The following ABHD17A variants were observed in gnomAD, a reference collection of about 807,000 sequenced individuals.
The protein encoded by ABHD17A is abhydrolase domain containing 17A, depalmitoylase, also known as alpha/beta hydrolase domain-containing protein 17A.
Under a neutral mutation model 26.8 loss-of-function variants are expected in ABHD17A, and 10 were observed. That is an observed-to-expected ratio of 0.37 (90% confidence interval 0.23 to 0.63). The LOEUF is 0.63. Ranked by LOEUF, ABHD17A falls within the 30% of genes least tolerant of loss-of-function variation. The pLI is 0.61. For synonymous variants in ABHD17A, 167 were observed against 210.9 expected (o/e 0.79, Z 1.80); for missense variants, 292 against 457.3 (o/e 0.64, Z 3.30).
chr19:1,881,859 G>C, intron 1 of ABHD17A, 55 bp from the exon 2 acceptor site: 1 of 349,284 alleles, frequency 2.9e-6, no homozygotes. Context: ...GTCCAGCTGG[G>C]CACCCCCGGG....
In ABHD17A at chr19:1,876,852, T is replaced by C; in HGVS notation, c.*348A>G. ...CCCCACTTCCGCAGAGTAAAACCTATAAGGGGGTCCGTGCCGATCTCTCCT... is the reference window on the plus strand; with the variant it reads ...CCCCACTTCCGCAGAGTAAAACCTACAAGGGGGTCCGTGCCGATCTCTCCT... On this transcript the variant is annotated 3_prime_UTR_variant, in exon 5 of 5. Transcript: ENST00000292577. The C allele has an allele frequency of 1.8e-5, 6 of 326,732 alleles. No homozygotes were observed. The highest frequency in any genetic ancestry group is 2.9e-5 in the South Asian group (1 of 34,636). 20.2% of individuals were successfully genotyped at this position (326,732 alleles called of 1,614,324 possible).
In ABHD17A at chr19:1,880,778, G is replaced by A; in HGVS notation, c.332+457C>T. 1 of 1,426,090 alleles carries A rather than the reference G, an allele frequency of 7.0e-7. No homozygotes were observed. The highest frequency in any genetic ancestry group is 9.5e-7 in the Non-Finnish European group (1 of 1,050,834). The allele number at this position is 1,426,090 out of a possible 1,614,324, so 88.3% of individuals were successfully genotyped here. A position where few individuals can be genotyped will look rare whatever the true frequency, so the allele number is the denominator to read the frequency against. On this transcript the variant is annotated intron_variant, in intron 2 of 4. Transcript: ENST00000292577. This position sits in a 1 kb window ranked among gnomAD's most constrained non-coding sequence, Gnocchi z 4.1. ...GGAGCTGCCCCAGGTGGTGCCAGGA[G>A]CAGGTGGCCAGGCTGGCCCTGCCAT...
chr19:1,878,395 CCT>C (rs974809003), intron 3 of ABHD17A: 1 of 152,494 alleles, frequency 6.6e-6, no homozygotes, highest in Non-Finnish European at 1.5e-5. Flanking sequence ...GTGTGCGGCC[CCT>C]GACCCAGCTG....
At position 1,880,819 on chromosome 19, in the gene ABHD17A, G is replaced by A; in HGVS notation, c.332+416C>T. The A allele has an allele frequency of 1.3e-6, 2 of 1,577,988 alleles. No homozygotes were observed. Among genetic ancestry groups the A allele is most frequent in the Admixed American group, 1.8e-5 (1 of 56,926 alleles). ...GCCCTGCCATGGACTGCTTCCTCCAGTTCCCCCAGGCCCCCACCTAGCCCA... is the reference window on the plus strand; with the variant it reads ...GCCCTGCCATGGACTGCTTCCTCCAATTCCCCCAGGCCCCCACCTAGCCCA... On this transcript the variant is annotated intron_variant, in intron 2 of 4. Coordinates refer to ENST00000292577, the MANE Select transcript of ABHD17A (RefSeq NM_001130111.2). This position sits in a 1 kb window ranked among gnomAD's most constrained non-coding sequence, Gnocchi z 4.1.
chr19:1,877,500 C>G lies in ABHD17A; in HGVS notation c.707+8G>C. The G allele has an allele frequency of 6.3e-7, 1 of 1,591,374 alleles. No homozygotes were observed. ...CGCCCCGCCCCCGTCCCCGCCCGGG[C>G]CGCTCACTTAGGGAAGGCGTCGAAG... On this transcript the variant is annotated splice_region_variant and intron_variant, in intron 4 of 4. Transcript: ENST00000292577.
Position 1,877,263 on chromosome 19 carries a change from G to T in ABHD17A, c.870C>A (p.Tyr290Ter), listed in dbSNP as rs2012385787. 6.5e-7 allele frequency: 1 copy of T among 1,545,066 alleles called. No homozygotes were observed. The highest frequency in any genetic ancestry group is 1.2e-5 in the South Asian group (1 of 86,100). The change falls in exon 5 of 5, where the codon TAC (tyrosine) becomes TAA (stop). Residue 290 changes from tyrosine to a stop codon, truncating the protein, a stop_gained. Transcript: ENST00000292577. LOFTEE classifies it high-confidence loss of function. ...GACGCAGGCGCTCCAGGTACTGGCT[G>T]TAGAGCTCGATGTCGTTGTGCCCGG... ...EGAGHNDIELYSQYLERLRRF... is the reference protein window; with the variant it reads ...EGAGHNDIEL
Position 1,879,603 on chromosome 19 carries a change from C to T in ABHD17A, c.527+318G>A. ...ACACGTGCACAGACCCCCAGACCAC[C>T]ACCCACTCCCTCCCGCCGGGTGGCA... On this transcript the variant is annotated intron_variant, in intron 3 of 4. Coordinates refer to ENST00000292577, the MANE Select transcript of ABHD17A (RefSeq NM_001130111.2). This position sits in a 1 kb window ranked among gnomAD's most constrained non-coding sequence, Gnocchi z 7.6. The T allele has an allele frequency of 2.3e-6, 1 of 439,388 alleles. No homozygotes were observed. The highest frequency in any genetic ancestry group is 2.2e-5 in the South Asian group (1 of 44,934). 27.2% of individuals were successfully genotyped at this position (439,388 alleles called of 1,614,324 possible). A position where few individuals can be genotyped will look rare whatever the true frequency, so the allele number is the denominator to read the frequency against.
chr19:1,881,819 T>A lies in ABHD17A; in HGVS notation c.-238-15A>T, dbSNP rs2012547172. On this transcript the variant is annotated splice_polypyrimidine_tract_variant and intron_variant, in intron 1 of 4. Transcript: ENST00000292577. ...CGTGGGAAGCCCTGCGGGGGAACAGTGACATGTGGGGTCCTTTGGGGGTGC... is the reference window on the plus strand; with the variant it reads ...CGTGGGAAGCCCTGCGGGGGAACAGAGACATGTGGGGTCCTTTGGGGGTGC... 2 of 479,532 alleles carry A rather than the reference T, an allele frequency of 4.2e-6. No individual in the cohort carries two copies. Among genetic ancestry groups the A allele is most frequent in the East Asian group, 8.6e-5 (2 of 23,368 alleles). The allele number at this position is 479,532 out of a possible 1,614,324, so 29.7% of individuals were successfully genotyped here. A position where few individuals can be genotyped will look rare whatever the true frequency, so the allele number is the denominator to read the frequency against.
intron 3 of ABHD17A, chr19:1,877,945 G>T: frequency 3.9e-6 from 2 of 511,304 alleles, no homozygotes; most frequent in Non-Finnish European, 7.0e-6. Context: ...GATCTGCAGG[G>T]ATCCTGCCTA....
In ABHD17A at chr19:1,877,442, G is replaced by T; in HGVS notation, c.708-17C>A. On this transcript the variant is annotated splice_polypyrimidine_tract_variant and intron_variant, in intron 4 of 4. Transcript: ENST00000292577. Reference sequence around the variant, plus strand: ...TTCTCGATGCTGCGGGAGGGTCGTGGAGCCGGTGAGACTTCGCGCCCGGCC... The same window carrying T: ...TTCTCGATGCTGCGGGAGGGTCGTGTAGCCGGTGAGACTTCGCGCCCGGCC... 1 of 1,564,668 alleles carries T rather than the reference G, an allele frequency of 6.4e-7. No homozygotes were observed. Among genetic ancestry groups the T allele is most frequent in the Non-Finnish European group, 8.6e-7 (1 of 1,162,234 alleles).
At chr19:1,881,162 C>T in intron 2 of ABHD17A, 73 bp downstream of exon 2, 3 of 1,586,624 alleles carry the variant, frequency 1.9e-6, no homozygotes, top group South Asian at 2.3e-5. Flanking sequence ...ACCAACCACA[C>T]CAAGCACCGC....
Position 1,879,755 on chromosome 19 carries a change from C to G in ABHD17A, c.527+166G>C. 1 of 670,054 alleles carries G rather than the reference C, an allele frequency of 1.5e-6. No individual in the cohort carries two copies. The highest frequency in any genetic ancestry group is 2.5e-6 in the Non-Finnish European group (1 of 399,348). The allele number at this position is 670,054 out of a possible 1,614,324, so 41.5% of individuals were successfully genotyped here. ...CACCTCAGCCATGTGGAGGCGGCAC[C>G]TGCACACCCAAGCTCGCCTGTCCGG... On this transcript the variant is annotated intron_variant, in intron 3 of 4. Transcript: ENST00000292577. The surrounding 1 kb of genome is among the most constrained non-coding windows in gnomAD (Gnocchi z 7.6).
chr19:1,876,924 C>G lies in ABHD17A; in HGVS notation c.*276G>C. On this transcript the variant is annotated 3_prime_UTR_variant, in exon 5 of 5. Transcript: ENST00000292577. ...GGGAACCCCGGCCCCCTTTCGAGCT[C>G]GCTGAGCGCTCGAGAGAGTGAGCAG... The G allele has an allele frequency of 2.1e-6, 1 of 474,900 alleles. No individual in the cohort carries two copies. The allele number at this position is 474,900 out of a possible 1,614,324, so 29.4% of individuals were successfully genotyped here.
chr19:1,881,455 C>A lies in ABHD17A; in HGVS notation c.112G>T (p.Val38Leu). The A allele has an allele frequency of 6.2e-7, 1 of 1,603,314 alleles. No individual in the cohort carries two copies. Among genetic ancestry groups the A allele is most frequent in the Non-Finnish European group, 8.5e-7 (1 of 1,178,564 alleles). ...CCAGGCCCCGGCTCGGGCTCAGGCACCAGGGAGTAGGTGGCCTCCGGCGGC... is the reference window on the plus strand; with the variant it reads ...CCAGGCCCCGGCTCGGGCTCAGGCAACAGGGAGTAGGTGGCCTCCGGCGGC... ...FLPPEATYSL[V>L]PEPEPGPGGA... is the part of the protein sequence containing the mutation. The change falls in exon 2 of 5, where the codon GTG (valine) becomes TTG (leucine). Residue 38 changes from valine (V) to leucine (L), a missense_variant. Val to Leu is a conservative substitution (Grantham distance 32, BLOSUM62 1). Transcript: ENST00000292577.
rs1212608850 is a variant in ABHD17A, at chr19:1,880,519, G to A, written c.333-404C>T. ...GAACCTGGACCCCCGGGGATGGAGCGCACAGGCCCACCTTTCAGGACCTTC... is the reference window on the plus strand; with the variant it reads ...GAACCTGGACCCCCGGGGATGGAGCACACAGGCCCACCTTTCAGGACCTTC... On this transcript the variant is annotated intron_variant, in intron 2 of 4. Transcript: ENST00000292577. This position sits in a 1 kb window ranked among gnomAD's most constrained non-coding sequence, Gnocchi z 4.1. 1.3e-5 allele frequency among the ~76,000 whole-genome samples: 2 copies of A among 152,192 alleles called. No homozygotes were observed.
intron 4 of ABHD17A, 39 bp downstream of exon 4, chr19:1,877,468 CG>C: frequency 6.4e-7 from 1 of 1,574,348 alleles, no homozygotes; most frequent in Admixed American, 1.8e-5. Flanking sequence ...GCGCCCGGCC[CG>C]GGCCCCGCCC....
chr19:1,880,820 T>A lies in ABHD17A; in HGVS notation c.332+415A>T, dbSNP rs2012500921. ...CCCTGCCATGGACTGCTTCCTCCAG[T>A]TCCCCCAGGCCCCCACCTAGCCCAG... On this transcript the variant is annotated intron_variant, in intron 2 of 4. Coordinates refer to ENST00000292577, the MANE Select transcript of ABHD17A (RefSeq NM_001130111.2). This position sits in a 1 kb window ranked among gnomAD's most constrained non-coding sequence, Gnocchi z 4.1. 6.3e-7 allele frequency: 1 copy of A among 1,577,742 alleles called. No individual in the cohort carries two copies. Among genetic ancestry groups the A allele is most frequent in the Non-Finnish European group, 8.6e-7 (1 of 1,158,472 alleles).
chr19:1,881,643 G>A lies in ABHD17A; in HGVS notation c.-77C>T. 7.1e-7 allele frequency: 1 copy of A among 1,417,380 alleles called. No individual in the cohort carries two copies. The highest frequency in any genetic ancestry group is 3.2e-5 in the Admixed American group (1 of 31,100). The allele number at this position is 1,417,380 out of a possible 1,614,324, so 87.8% of individuals were successfully genotyped here. On this transcript the variant is annotated 5_prime_UTR_variant, in exon 2 of 5. Transcript: ENST00000292577. The stretch of plus-strand genomic sequence containing the variant: ...GCCCGGCCTGGCCCGGCAGGGGAGG[G>A]GTGGGGGTGCTCCGAGTCGCGGGCA...
chr19:1,882,275 C>T (rs1471969763), intron 1 of ABHD17A: 2 of 152,340 alleles, frequency 1.3e-5, no homozygotes, highest in African/African-American at 4.8e-5. Flanking sequence ...ACGAGGGACC[C>T]GAACAGGCCC....
Sources: allele counts gnomAD v4.1 joint callset (sites outside exome capture counted in the v4.1 genomes callset), GRCh38; gene constraint gnomAD v4.1.1; non-coding constraint Gnocchi (gnomAD v3.1); transcripts MANE v1.5; gene names NCBI Gene and HGNC (gene_info 2026-07-23, HGNC 2026-07-21).